Variants in MALAT1 observed in about 807,000 individuals in gnomAD.
The protein encoded by MALAT1 is metastasis associated lung adenocarcinoma transcript 1, also known as hepcarcin.
exon 1 of MALAT1, chr11:65,497,855 C>T (rs1255445409): frequency 1.9e-6 from 1 of 517,134 alleles, no homozygotes; most frequent in Admixed American, 1.9e-5. Flanking sequence ...GAAGCCTCAG[C>T]TCGCCTGAAG....
At chr11:65,506,309 T>C (rs758145908) in exon 4 of MALAT1, 14 of 464,712 alleles carry the variant, frequency 3.0e-5, no homozygotes, top group Middle Eastern at 3.5e-4. Flanking sequence ...CCTTGATGTA[T>C]AATTTGTCAG....
intron 3 of MALAT1, chr11:65,504,807 T>G: frequency 1.9e-6 from 1 of 519,012 alleles, no homozygotes; most frequent in South Asian, 1.4e-5. Flanking sequence ...TTGGTCTTAA[T>G]TCTTACATGC....
At chr11:65,501,310 A>G (rs557644930) in exon 3 of MALAT1, 1 of 518,786 alleles carries the variant, frequency 1.9e-6, no homozygotes, top group Admixed American at 1.9e-5. Context: ...AAATGACTCA[A>G]GGTGTAACAG....
In MALAT1 at chr11:65,504,985, G is replaced by C. The variant is rs181800306; in HGVS notation, n.5168+1080G>C. ...CTTCAGACTATAGAAGGAGCTTCCA[G>C]TTGAATTCACCAGTGGACAAAATGA... is the stretch of plus-strand genomic sequence containing the variant. On this transcript the variant is annotated intron_variant and non_coding_transcript_variant, in intron 3 of 3. Coordinates refer to ENST00000619449, the Ensembl canonical transcript of MALAT1. The C allele has an allele frequency of 1.9e-5, 10 of 518,850 alleles. No homozygotes were observed. In the East Asian group the frequency reaches 5.4e-4, roughly 28 times the overall value. 32.1% of individuals were successfully genotyped at this position (518,850 alleles called of 1,614,324 possible).
exon 3 of MALAT1, chr11:65,503,814 T>G (rs1387392182): frequency 3.9e-6 from 2 of 515,878 alleles, no homozygotes; most frequent in South Asian, 1.4e-5. Context: ...GAAAGACAAA[T>G]TTTATTCTTC....
chr11:65,500,209 C>G (rs761178034), exon 3 of MALAT1: 7 of 513,764 alleles, frequency 1.4e-5, no homozygotes, highest in Non-Finnish European at 2.3e-5. Context: ...AGGCAGAAGG[C>G]TTTTGGAAGA....
intron 3 of MALAT1, chr11:65,506,039 C>T (rs1251451410): frequency 4.4e-6 from 2 of 450,126 alleles, no homozygotes; most frequent in South Asian, 1.6e-5. Context: ...TTTTTCTTTT[C>T]CTGAGAAAAC....
chr11:65,503,131 G>C (rs758459500), exon 3 of MALAT1: 2 of 507,836 alleles, frequency 3.9e-6, no homozygotes, highest in East Asian at 5.5e-5. Context: ...GTATCTCTTC[G>C]TTATCAGAAG....
chr11:65,503,171 A>G (rs1854593953), exon 3 of MALAT1: 1 of 511,548 alleles, frequency 2.0e-6, no homozygotes, highest in African/African-American at 1.9e-5. Context: ...GGAGCAGAAA[A>G]CAGCAGGCAG....
At chr11:65,503,200 A>C in exon 3 of MALAT1, 1 of 513,118 alleles carries the variant, frequency 1.9e-6, no homozygotes, top group Middle Eastern at 3.2e-4. Context: ...AGATAAGTTT[A>C]ACTTGCATCT....
chr11:65,505,062 T>G (rs1277409551), intron 3 of MALAT1: 1 of 518,858 alleles, frequency 1.9e-6, no homozygotes, highest in African/African-American at 1.9e-5. Context: ...GTCAGATCAG[T>G]TATGGGACAA....
chr11:65,505,553 T>G (rs1016390841), intron 3 of MALAT1: 2 of 515,816 alleles, frequency 3.9e-6, no homozygotes, highest in African/African-American at 1.9e-5. Flanking sequence ...GCAACTTCTC[T>G]GCCACATCGC....
exon 3 of MALAT1, chr11:65,501,364 T>C (rs1565052681): frequency 5.8e-6 from 3 of 518,538 alleles, no homozygotes; most frequent in South Asian, 4.2e-5. Flanking sequence ...CCACCACAGG[T>C]TTACAGTTTA....
At chr11:65,500,005 G>T (rs1033881847) in exon 3 of MALAT1, 5 of 425,988 alleles carry the variant, frequency 1.2e-5, no homozygotes, top group Non-Finnish European at 2.3e-5. Flanking sequence ...GAAATTATTG[G>T]TAACCAATTT....
At chr11:65,498,067 G>T (rs75162789) in intron 1 of MALAT1, 2 of 518,922 alleles carry the variant, frequency 3.9e-6, no homozygotes. Flanking sequence ...GGTTCAGAAG[G>T]TCTGAAGCTC....
chr11:65,501,629 G>A (rs1315780067), exon 3 of MALAT1: 1 of 518,968 alleles, frequency 1.9e-6, no homozygotes, highest in Admixed American at 1.9e-5. Context: ...GTTAGAGAAG[G>A]AGTGTACCGC....
chr11:65,498,308 G>A (rs1212259529), intron 1 of MALAT1: 1 of 518,260 alleles, frequency 1.9e-6, no homozygotes, highest in South Asian at 1.4e-5. Context: ...GCTGAAAAAC[G>A]GTAGAAAAAT....
chr11:65,498,181 A>C (rs202103155), intron 1 of MALAT1: 1 of 518,944 alleles, frequency 1.9e-6, no homozygotes, highest in Non-Finnish European at 3.8e-6. Flanking sequence ...CTGGCTGCCC[A>C]AGGTCTCTGT....
chr11:65,497,885 T>C, intron 1 of MALAT1: 1 of 518,694 alleles, frequency 1.9e-6, no homozygotes, highest in Non-Finnish European at 3.9e-6. Context: ...CTCTGACGCC[T>C]CCGGGAGCCC....
Sources: gnomAD v4.1 joint callset for allele counts on GRCh38, gnomAD v4.1.1 for gene constraint, MANE v1.5 for transcripts, NCBI Gene and HGNC (gene_info 2026-07-23, HGNC 2026-07-21) for gene names.